The following THSD4 variants were observed in gnomAD, a reference collection of about 807,000 sequenced individuals.
THSD4 encodes thrombospondin type-1 domain-containing protein 4.
THSD4 carries 69 observed loss-of-function variants against 119.0 expected under a neutral mutation model. The observed-to-expected ratio is 0.58, with a 90% CI of 0.48 to 0.71. The LOEUF (loss-of-function observed/expected upper bound fraction) is 0.71. Among genes scored for constraint, THSD4 ranks in the 30% least tolerant of loss-of-function variants. The probability of loss-of-function intolerance (pLI) is 0.00; values close to 1 mark genes in which losing one functional copy is unlikely to be tolerated. For missense variants in THSD4, 1,393 were observed against 1,391.1 expected (o/e 1.00, Z -0.02); for synonymous variants, 524 against 540.4 (o/e 0.97, Z 0.42).
intron 4 of THSD4, among the ~76,000 whole-genome samples, chr15:71,229,596 C>G (rs938013162): frequency 6.6e-6 from 1 of 152,154 alleles, no homozygotes; most frequent in Non-Finnish European, 1.5e-5. Flanking sequence ...AATATTGAGG[C>G]AACCATCCAT....
chr15:71,254,928 C>T (rs1462072597), intron 5 of THSD4, among the ~76,000 whole-genome samples: 1 of 152,126 alleles, frequency 6.6e-6, no homozygotes, highest in Non-Finnish European at 1.5e-5. Flanking sequence ...GCTTCTTGCT[C>T]CATATGGTTC....
chr15:71,758,160 G>C, intron 15 of THSD4, 85 bp downstream of exon 15: 1 of 1,441,820 alleles, frequency 6.9e-7, no homozygotes. Context: ...CTTTGTGTCA[G>C]GTGTCCCAGC....
At chr15:71,412,835 AATT>A (rs921586090) in intron 7 of THSD4, among the ~76,000 whole-genome samples, 12 of 152,314 alleles carry the variant, frequency 7.9e-5, no homozygotes, top group African/African-American at 2.6e-4. Context: ...GTATATTTTT[AATT>A]ATTATGAGTA....
At chr15:71,551,390 A>G (rs2048926137) in intron 7 of THSD4, among the ~76,000 whole-genome samples, 1 of 152,206 alleles carries the variant, frequency 6.6e-6, no homozygotes, top group South Asian at 2.1e-4. Flanking sequence ...CATTAATTGC[A>G]AGAGCAATGG....
chr15:71,710,714 C>T (rs2052493501), intron 8 of THSD4, among the ~76,000 whole-genome samples: 1 of 152,178 alleles, frequency 6.6e-6, no homozygotes, highest in Admixed American at 6.5e-5. Flanking sequence ...TCCTTATGAC[C>T]TGCAGTGAGC....
intron 6 of THSD4, among the ~76,000 whole-genome samples, chr15:71,346,180 T>A (rs975229330): frequency 6.6e-6 from 1 of 152,230 alleles, no homozygotes. Flanking sequence ...TTTCGTGACA[T>A]GATCTTGACA....
At chr15:71,445,543 C>G (rs1184816593) in intron 7 of THSD4, among the ~76,000 whole-genome samples, 4 of 152,208 alleles carry the variant, frequency 2.6e-5, no homozygotes, top group African/African-American at 9.6e-5. Context: ...CCCCTCATCT[C>G]ACAACCTCAG....
intron 9 of THSD4, chr15:71,729,315 A>G (rs1425229447): frequency 6.5e-6 from 1 of 153,254 alleles, no homozygotes; most frequent in Non-Finnish European, 1.5e-5. Flanking sequence ...AAGAGTTTTA[A>G]ATGGTCCTTA....
intron 7 of THSD4, among the ~76,000 whole-genome samples, chr15:71,519,322 G>A (rs1358108694): frequency 6.6e-6 from 1 of 152,154 alleles, no homozygotes; most frequent in Non-Finnish European, 1.5e-5. Context: ...GGACACCACA[G>A]GGTTCTAAGC....
At chr15:71,146,745 G>A (rs1379978373) in intron 2 of THSD4, among the ~76,000 whole-genome samples, 2 of 152,220 alleles carry the variant, frequency 1.3e-5, no homozygotes, top group Non-Finnish European at 2.9e-5. Context: ...AGCCATCTGA[G>A]TGGTAGGCAT....
intron 6 of THSD4, among the ~76,000 whole-genome samples, chr15:71,379,128 T>C (rs1418865610): frequency 6.6e-6 from 1 of 152,080 alleles, no homozygotes; most frequent in Non-Finnish European, 1.5e-5. Context: ...CAAAAGCTTT[T>C]TAAGGCTTCT....
At chr15:71,609,708 C>T (rs985580855) in intron 7 of THSD4, among the ~76,000 whole-genome samples, 4 of 151,948 alleles carry the variant, frequency 2.6e-5, no homozygotes, top group African/African-American at 4.8e-5. Flanking sequence ...AAAAATTAGC[C>T]GGGCATGGTG....
rs554910861 is a variant in THSD4, at chr15:71,214,500, C to T, written c.100-535C>T. Reference sequence around the variant, plus strand: ...GTGACACCACCTTTAAGAGCTATAACGCTCACTGTGAAGGTCCGCAGCTTC... The same window carrying T: ...GTGACACCACCTTTAAGAGCTATAATGCTCACTGTGAAGGTCCGCAGCTTC... On this transcript the variant is annotated intron_variant, in intron 3 of 17. Transcript: ENST00000261862. Among the ~76,000 whole-genome samples, 14 of 152,326 alleles carry T rather than the reference C, an allele frequency of 9.2e-5. No individual in the cohort carries two copies. The South Asian group carries it at 2.9e-3, about 32-fold the overall frequency.
At chr15:71,362,630 T>G (rs2045906566) in intron 6 of THSD4, among the ~76,000 whole-genome samples, 1 of 152,176 alleles carries the variant, frequency 6.6e-6, no homozygotes, top group South Asian at 2.1e-4. Flanking sequence ...CTTTTTAGTA[T>G]TCTTGAACTA....
intron 7 of THSD4, among the ~76,000 whole-genome samples, chr15:71,493,549 A>G (rs2047958082): frequency 1.3e-5 from 2 of 152,172 alleles, no homozygotes; most frequent in Admixed American, 1.3e-4. Flanking sequence ...GCTGTGGGCC[A>G]TATGACTAGT....
At chr15:71,303,168 T>C (rs1276191252) in intron 6 of THSD4, among the ~76,000 whole-genome samples, 1 of 151,730 alleles carries the variant, frequency 6.6e-6, no homozygotes, top group Admixed American at 6.6e-5. Context: ...TTATACAAAC[T>C]CCCCAAGTGA....
At chr15:71,676,226 T>TGTTAAGTGTATAATTCAGTGGC (rs2051646447) in intron 8 of THSD4, among the ~76,000 whole-genome samples, 1 of 152,260 alleles carries the variant, frequency 6.6e-6, no homozygotes, top group Admixed American at 6.5e-5. Flanking sequence ...ATTTTAATGA[T>TGTTAAGTGTATAATTCAGTGGC]GTTAAGTGTA....
At chr15:71,574,859 C>G (rs1374843298) in intron 7 of THSD4, among the ~76,000 whole-genome samples, 1 of 152,100 alleles carries the variant, frequency 6.6e-6, no homozygotes, top group Non-Finnish European at 1.5e-5. Flanking sequence ...TAGCGATTGC[C>G]TGAAACTGTT....
intron 7 of THSD4, among the ~76,000 whole-genome samples, chr15:71,554,393 G>T (rs1308495913): frequency 2.0e-5 from 3 of 150,150 alleles, no homozygotes; most frequent in African/African-American, 7.3e-5. Flanking sequence ...CCATGCCCCG[G>T]TTTTTTTTGT....
Sources: allele counts gnomAD v4.1 joint callset (sites outside exome capture counted in the v4.1 genomes callset), GRCh38; gene constraint gnomAD v4.1.1; transcripts MANE v1.5; gene names NCBI Gene and HGNC (gene_info 2026-07-23, HGNC 2026-07-21).